The following PRUNE2 variants were observed in gnomAD, a reference collection of about 807,000 sequenced individuals.
PRUNE2 encodes protein prune homolog 2.
In PRUNE2, 164 loss-of-function variants were observed where a neutral mutation model predicts 252.0. The observed-to-expected ratio is 0.65, with a 90% confidence interval of 0.57 to 0.74. The LOEUF (loss-of-function observed/expected upper bound fraction) is 0.74. Ranked by LOEUF, PRUNE2 falls within the 30% of genes least tolerant of loss-of-function variation. The pLI is 0.00. For synonymous variants in PRUNE2, 1,292 were observed against 1,350.2 expected, an observed-to-expected ratio of 0.96 and a Z score of 0.94; for missense variants, 3,495 against 3,711.0, an observed-to-expected ratio of 0.94 and a Z score of 1.51.
intron 6 of PRUNE2, among the ~76,000 whole-genome samples, chr9:76,722,594 T>C (rs1372153166): frequency 1.3e-5 from 2 of 152,228 alleles, no homozygotes; most frequent in African/African-American, 4.8e-5. Context: ...TAAATGCCAA[T>C]ATAATCTTCA....
Position 76,787,532 on chromosome 9 carries a change from G to C in PRUNE2, c.756+36100C>G, listed in dbSNP as rs556720928. 2.6e-5 allele frequency: 4 copies of C among 152,144 alleles called. No individual in the cohort carries two copies. In the South Asian group the frequency reaches 6.2e-4, roughly 24 times the overall value. 9.4% of individuals were successfully genotyped at this position (152,144 alleles called of 1,614,324 possible). ...TAACAAACCTACACATTCTGCACAT[G>C]TATCCCAGAACGTAAAGTAAAATTT... On this transcript the variant is annotated intron_variant, in intron 6 of 18. Coordinates refer to ENST00000376718, the MANE Select transcript of PRUNE2 (RefSeq NM_015225.3).
In PRUNE2 at chr9:76,849,828, AAAAAC is replaced by A. The variant is rs112402365; in HGVS notation, c.344+630_344+634del. On this transcript the variant is annotated intron_variant, in intron 3 of 18. Transcript: ENST00000376718. ...GCGAGAGATCGAGACTCTGTCTCAA[AAAAAC>A]AAAACAAAACAAAACAAAACAAAAA... Among the ~76,000 whole-genome samples, 415 of 151,164 alleles carry A rather than the reference AAAAAC, an allele frequency of 2.7e-3. 3 individuals are homozygous for A. Among genetic ancestry groups the A allele is most frequent in the African/African-American group, 8.6e-3 (354 of 41,002 alleles).
At chr9:76,701,924 G>A (rs2045918047) in intron 9 of PRUNE2, among the ~76,000 whole-genome samples, 1 of 152,136 alleles carries the variant, frequency 6.6e-6, no homozygotes, top group Non-Finnish European at 1.5e-5. Context: ...GAAAACCTAA[G>A]CCTGGGATTA....
Position 76,724,334 on chromosome 9 carries a change from C to G in PRUNE2, c.757-10613G>C, listed in dbSNP as rs575709612. ...AAAAAAAAAAAAAAAAATAGCCAGG[C>G]ATGGTGGTGCATGCCTGTGGTCCCA... On this transcript the variant is annotated intron_variant, in intron 6 of 18. Transcript: ENST00000376718. Among the ~76,000 whole-genome samples the G allele has an allele frequency of 3.5e-5, 5 of 144,482 alleles. No homozygotes were observed. In the East Asian group the frequency reaches 1.0e-3, roughly 29 times the overall value. 94.8% of individuals were successfully genotyped at this position (144,482 alleles called of 152,430 possible). A position where few individuals can be genotyped will look rare whatever the true frequency, so the allele number is the denominator to read the frequency against.
intron 1 of PRUNE2, among the ~76,000 whole-genome samples, chr9:76,877,912 C>T (rs2061558016): frequency 6.6e-6 from 1 of 152,134 alleles, no homozygotes; most frequent in Non-Finnish European, 1.5e-5. Context: ...TAAGATACAC[C>T]ATGACCCTAA....
rs537717617 is a variant in PRUNE2, at chr9:76,856,702, C to G, written c.37-2494G>C. The G allele has an allele frequency of 1.3e-3, 268 of 199,588 alleles. 3 individuals are homozygous for G. The highest frequency in any genetic ancestry group is 1.6e-3 in the Non-Finnish European group (156 of 98,336). 12.4% of individuals were successfully genotyped at this position (199,588 alleles called of 1,614,324 possible). ...ATAACGGGTAAGGACCATAGCATAC[C>G]CCACTGCAAAATTTTGAGGGTTCTC... On this transcript the variant is annotated intron_variant, in intron 1 of 18. Coordinates refer to ENST00000376718, the MANE Select transcript of PRUNE2 (RefSeq NM_015225.3).
At chr9:76,815,302 A>G (rs917201461) in intron 6 of PRUNE2, among the ~76,000 whole-genome samples, 1 of 152,214 alleles carries the variant, frequency 6.6e-6, no homozygotes, top group Non-Finnish European at 1.5e-5. Flanking sequence ...GAGTCCATAC[A>G]GGCTGCAATA....
At chr9:76,620,140 ATTT>A (rs59150159) in intron 17 of PRUNE2, among the ~76,000 whole-genome samples, 12 of 127,126 alleles carry the variant, frequency 9.4e-5, no homozygotes, top group Admixed American at 1.6e-4. Context: ...CCCTCCCATA[ATTT>A]TTTTTTTTTT....
Position 76,652,654 on chromosome 9 carries a change from T to G in PRUNE2, c.8386A>C (p.Thr2796Pro). Residue 2796 changes from threonine to proline, a missense_variant, in exon 11 of 19, where the codon ACT (threonine) becomes CCT (proline). Physicochemically the swap from Thr to Pro is conservative, Grantham distance 38. Transcript: ENST00000376718. ...EPPNSLDLND[T>P]HPRRIKLTAP... ...GTGAGCTTGATTCTCCGAGGATGAG[T>G]GTCATTAAGATCCAGAGAATTAGGA... 1 of 1,612,416 alleles carries G rather than the reference T, an allele frequency of 6.2e-7. No homozygotes were observed. Among genetic ancestry groups the G allele is most frequent in the Non-Finnish European group, 8.5e-7 (1 of 1,178,690 alleles).
intron 1 of PRUNE2, among the ~76,000 whole-genome samples, chr9:76,858,672 G>A (rs1402430147): frequency 5.9e-5 from 9 of 151,450 alleles, no homozygotes; most frequent in Admixed American, 4.6e-4. Flanking sequence ...ACAGGTTGAT[G>A]GATGCAGCAA....
intron 6 of PRUNE2, among the ~76,000 whole-genome samples, chr9:76,748,971 G>A (rs767134614): frequency 7.9e-5 from 12 of 152,222 alleles, no homozygotes; most frequent in Non-Finnish European, 1.8e-4. Context: ...ACCCACTCCC[G>A]ACCTCCGTAA....
rs1026163135 is a variant in PRUNE2 at position 76,614,513 on chromosome 9, A to G, written c.*57T>C. ...CATCAGCCCTGTCTCTTTCAGGTAGATATGTTTCAACAGAACCATGAACCA... is the reference window on the plus strand; with the variant it reads ...CATCAGCCCTGTCTCTTTCAGGTAGGTATGTTTCAACAGAACCATGAACCA... On this transcript the variant is annotated 3_prime_UTR_variant, in exon 19 of 19. Transcript: ENST00000376718. The G allele has an allele frequency of 5.6e-6, 8 of 1,426,314 alleles. No homozygotes were observed. The highest frequency in any genetic ancestry group is 7.9e-6 in the Non-Finnish European group (8 of 1,010,084). The allele number at this position is 1,426,314 out of a possible 1,614,324, so 88.4% of individuals were successfully genotyped here. A position where few individuals can be genotyped will look rare whatever the true frequency, so the allele number is the denominator to read the frequency against.
chr9:76,733,789 G>T (rs965465317), intron 6 of PRUNE2: 6 of 152,038 alleles, frequency 3.9e-5, no homozygotes, highest in African/African-American at 1.4e-4. Flanking sequence ...TAATTAATTT[G>T]CCCTAATCTT....
intron 6 of PRUNE2, among the ~76,000 whole-genome samples, chr9:76,730,832 G>A (rs917474060): frequency 7.2e-5 from 11 of 152,188 alleles, no homozygotes; most frequent in African/African-American, 2.2e-4. Flanking sequence ...GAACTTGGGA[G>A]GCAGATGTTG....
chr9:76,865,847 A>ACACACACACACACACC (rs1336460062), intron 1 of PRUNE2, among the ~76,000 whole-genome samples: 2 of 145,396 alleles, frequency 1.4e-5, no homozygotes, highest in African/African-American at 5.5e-5. Context: ...ACACACACAC[A>ACACACACACACACACC]CCAGAGCATT....
Position 76,705,123 on chromosome 9 carries a change from G to A in PRUNE2, c.7151C>T (p.Ser2384Phe). Reference sequence around the variant, plus strand: ...GTACGGTGCCAGCGACTGCTTCAGAGAATCTTCCTCCAAAGGAGGGTCACC... The same window carrying A: ...GTACGGTGCCAGCGACTGCTTCAGAAAATCTTCCTCCAAAGGAGGGTCACC... ...YGGDPPLEEDSLKQSLAPYTP... is the reference protein window; with the variant it reads ...YGGDPPLEEDFLKQSLAPYTP... The change falls in exon 8 of 19, where the codon TCT (serine) becomes TTT (phenylalanine). Residue 2384 changes from serine (S) to phenylalanine (F), a missense_variant. Transcript: ENST00000376718. The A allele has an allele frequency of 6.2e-7, 1 of 1,614,002 alleles. No homozygotes were observed. The highest frequency in any genetic ancestry group is 2.2e-5 in the East Asian group (1 of 44,884).
chr9:76,760,981 G>A (rs568170593), intron 6 of PRUNE2, among the ~76,000 whole-genome samples: 1 of 151,904 alleles, frequency 6.6e-6, no homozygotes, highest in Non-Finnish European at 1.5e-5. Flanking sequence ...AGCTACTTGG[G>A]AGGCTGAGGC....
intron 6 of PRUNE2, chr9:76,788,530 C>A (rs1353785327): frequency 1.4e-6 from 1 of 717,512 alleles, no homozygotes; most frequent in Non-Finnish European, 2.6e-6. Flanking sequence ...CTCAATCCTG[C>A]TCATCTGTAA....
At chr9:76,678,027 G>A (rs962699351) in intron 9 of PRUNE2, among the ~76,000 whole-genome samples, 5 of 152,142 alleles carry the variant, frequency 3.3e-5, no homozygotes, top group African/African-American at 1.2e-4. Context: ...ACAGATCTAT[G>A]CCAAAAGGCT....
Sources: gnomAD v4.1 joint callset for allele counts (sites outside exome capture counted in the v4.1 genomes callset) on GRCh38, gnomAD v4.1.1 for gene constraint, MANE v1.5 for transcripts, NCBI Gene and HGNC (gene_info 2026-07-23, HGNC 2026-07-21) for gene names.